SPEF2: variants seen among roughly 807,000 people sequenced by gnomAD.
The protein encoded by SPEF2 is sperm flagella and cilia-associated protein 2.
SPEF2 carries 187 observed loss-of-function variants against 224.6 expected under a neutral mutation model. That is an observed-to-expected ratio of 0.83 (90% CI 0.74 to 0.94). SPEF2 has a LOEUF of 0.94. Ranked by LOEUF, SPEF2 falls within the 40% of genes least tolerant of loss-of-function variation. SPEF2 has a pLI of 0.00. For synonymous variants in SPEF2, 715 were observed against 707.3 expected, an observed-to-expected ratio of 1.01 and a Z score of -0.17; for missense variants, 2,170 against 2,135.6, an observed-to-expected ratio of 1.02 and a Z score of -0.32.
Position 35,617,881 on chromosome 5 carries a change from C to A in SPEF2, c.-117C>A. On this transcript the variant is annotated 5_prime_UTR_variant, in exon 1 of 37. The change creates a new upstream start codon in the 5' untranslated region. Transcript: ENST00000356031. ...CTAAGGCCTTTCGCCTAGTTCCAGC[C>A]TGGATACGCTTCCATAGCAAAGGGT... is the stretch of plus-strand genomic sequence containing the variant. 1.0e-6 allele frequency: 1 copy of A among 982,764 alleles called. No individual in the cohort carries two copies. The highest frequency in any genetic ancestry group is 1.6e-6 in the Non-Finnish European group (1 of 631,348). 60.9% of individuals were successfully genotyped at this position (982,764 alleles called of 1,614,324 possible). A position where few individuals can be genotyped will look rare whatever the true frequency, so the allele number is the denominator to read the frequency against.
chr5:35,793,306 C>CCACCG lies in SPEF2; in HGVS notation c.4702_4703insCACCG (p.Gln1568ProfsTer25). 6.2e-7 allele frequency: 1 copy of CCACCG among 1,613,964 alleles called. No homozygotes were observed. Among genetic ancestry groups the CCACCG allele is most frequent in the South Asian group, 1.1e-5 (1 of 91,050 alleles). On this transcript the variant is annotated frameshift_variant, in exon 32 of 37. Coordinates refer to ENST00000356031, the MANE Select transcript of SPEF2 (RefSeq NM_024867.4). LOFTEE classifies it high-confidence loss of function. Reference sequence around the variant, plus strand: ...GAAGTTCAAGGCTGTGGATAAGGAGCAGTTGGGCACCATCACTTTTGAGCA... The same window carrying CCACCG: ...GAAGTTCAAGGCTGTGGATAAGGAGCCACCGAGTTGGGCACCATCACTTTTGAGCA...
intron 18 of SPEF2, among the ~76,000 whole-genome samples, chr5:35,706,325 TATTA>T (rs1408997234): frequency 4.0e-5 from 6 of 151,852 alleles, no homozygotes; most frequent in African/African-American, 1.4e-4. Flanking sequence ...TTAAATTGAT[TATTA>T]ATTATATATT....
chr5:35,775,724 T>G (rs1753522588), intron 28 of SPEF2, among the ~76,000 whole-genome samples: 1 of 152,002 alleles, frequency 6.6e-6, no homozygotes, highest in African/African-American at 2.4e-5. Flanking sequence ...TGCAACAGTT[T>G]AAGTGAGAGA....
intron 2 of SPEF2, among the ~76,000 whole-genome samples, chr5:35,630,500 T>G (rs1470360964): frequency 6.6e-6 from 1 of 152,068 alleles, no homozygotes; most frequent in Non-Finnish European, 1.5e-5. Flanking sequence ...ATCGAAATCA[T>G]CCTGGCTAAC....
chr5:35,633,868 GA>G (rs1745467614), intron 2 of SPEF2, among the ~76,000 whole-genome samples: 1 of 151,788 alleles, frequency 6.6e-6, no homozygotes, highest in African/African-American at 2.4e-5. Context: ...AAACTATTCA[GA>G]TTAATACTAC....
chr5:35,670,035 C>G lies in SPEF2; in HGVS notation c.1356-24C>G, dbSNP rs191378568. ...TATATTTGACTAACCATTGATTCAT[C>G]TCTACCTTTTTTTTGTGCGATAGTC... On this transcript the variant is annotated intron_variant, in intron 9 of 36. Transcript: ENST00000356031. The G allele has an allele frequency of 2.8e-4, 439 of 1,563,668 alleles. 2 individuals carry two copies. The African/African-American group carries it at 4.6e-3, about 16-fold the overall frequency.
At chr5:35,754,191 T>C (rs1198989162) in intron 24 of SPEF2, among the ~76,000 whole-genome samples, 2 of 152,200 alleles carry the variant, frequency 1.3e-5, no homozygotes, top group Non-Finnish European at 2.9e-5. Flanking sequence ...TTTCCAATAC[T>C]GGACTAGAAA....
chr5:35,781,755 T>A (rs1413153185), intron 30 of SPEF2: 1 of 152,222 alleles, frequency 6.6e-6, no homozygotes, highest in African/African-American at 2.4e-5. Flanking sequence ...ATTAGCTCAA[T>A]TATACCATTT....
At chr5:35,670,499 A>G in intron 10 of SPEF2, 1 of 1,068,366 alleles carries the variant, frequency 9.4e-7, no homozygotes, top group Non-Finnish European at 1.1e-6. Context: ...CAGAATTTTT[A>G]AAATGCTTTA....
intron 25 of SPEF2, among the ~76,000 whole-genome samples, chr5:35,762,607 G>A (rs965185546): frequency 6.6e-6 from 1 of 152,080 alleles, no homozygotes; most frequent in Non-Finnish European, 1.5e-5. Flanking sequence ...CTTGTTCCTA[G>A]ATTACTGATT....
rs149010594 is a variant in SPEF2 at position 35,793,345 on chromosome 5, G to T, written c.4737+4G>T. ...CACTTTTGAGCAGTATATGCAGGTT[G>T]TTACCAGCACCTGATGGCATTGATA... is the stretch of plus-strand genomic sequence containing the variant. On this transcript the variant is annotated splice_donor_region_variant and intron_variant, in intron 32 of 36. Coordinates refer to ENST00000356031, the MANE Select transcript of SPEF2 (RefSeq NM_024867.4). 1.9e-6 allele frequency: 3 copies of T among 1,608,744 alleles called. No individual in the cohort carries two copies. The highest frequency in any genetic ancestry group is 1.7e-4 in the Middle Eastern group (1 of 6,012).
At chr5:35,765,768 T>C (rs1483256753) in intron 26 of SPEF2, among the ~76,000 whole-genome samples, 2 of 152,150 alleles carry the variant, frequency 1.3e-5, no homozygotes, top group East Asian at 3.9e-4. Flanking sequence ...TTCACAAAAA[T>C]GTTGGCTGCT....
At chr5:35,619,583 A>G (rs1443380098) in intron 1 of SPEF2, among the ~76,000 whole-genome samples, 1 of 152,066 alleles carries the variant, frequency 6.6e-6, no homozygotes, top group Non-Finnish European at 1.5e-5. Flanking sequence ...AGGCTGAGGC[A>G]GGAGAATCGC....
At chr5:35,641,753 T>C in intron 3 of SPEF2, 70 bp downstream of exon 3, 1 of 1,514,630 alleles carries the variant, frequency 6.6e-7, no homozygotes, top group Middle Eastern at 2.4e-4. Context: ...GACAATGATA[T>C]TGAATTCTCA....
At chr5:35,627,397 C>T (rs188289779) in intron 1 of SPEF2, among the ~76,000 whole-genome samples, 3 of 151,896 alleles carry the variant, frequency 2.0e-5, no homozygotes, top group Non-Finnish European at 2.9e-5. Flanking sequence ...GTCAAAAGAT[C>T]GAGACCAACC....
At chr5:35,715,729 T>A (rs1208162278) in intron 20 of SPEF2, among the ~76,000 whole-genome samples, 2 of 152,064 alleles carry the variant, frequency 1.3e-5, no homozygotes. Flanking sequence ...GAACTTCTAC[T>A]TTAAGTTATA....
chr5:35,704,902 C>T (rs930062285), intron 17 of SPEF2, among the ~76,000 whole-genome samples: 5 of 152,096 alleles, frequency 3.3e-5, no homozygotes, highest in South Asian at 2.1e-4. Flanking sequence ...CTTCCCTTTA[C>T]GGTTACATGC....
At chr5:35,687,437 T>G (rs929384861) in intron 10 of SPEF2, among the ~76,000 whole-genome samples, 50 of 152,178 alleles carry the variant, frequency 3.3e-4, no homozygotes, top group African/African-American at 1.2e-3. Flanking sequence ...TTTTTTTTTT[T>G]GCCCATTATA....
chr5:35,649,432 T>A lies in SPEF2; in HGVS notation c.791+7T>A. ...ATCTCCAAGCAAAAGAAAGGTGAGATGTGAGCTATTTTAAGAATTACAAAA... is the reference window on the plus strand; with the variant it reads ...ATCTCCAAGCAAAAGAAAGGTGAGAAGTGAGCTATTTTAAGAATTACAAAA... On this transcript the variant is annotated splice_region_variant and intron_variant, in intron 6 of 36. Coordinates refer to ENST00000356031, the MANE Select transcript of SPEF2 (RefSeq NM_024867.4). 1 of 1,606,286 alleles carries A rather than the reference T, an allele frequency of 6.2e-7. No homozygotes were observed. The highest frequency in any genetic ancestry group is 8.5e-7 in the Non-Finnish European group (1 of 1,176,324).
Sources: allele counts gnomAD v4.1 joint callset (sites outside exome capture counted in the v4.1 genomes callset), GRCh38; gene constraint gnomAD v4.1.1; transcripts MANE v1.5; gene names NCBI Gene and HGNC (gene_info 2026-07-23, HGNC 2026-07-21).